Variants in BLTP3A observed in about 807,000 individuals in gnomAD.
BLTP3A encodes ICBP90 binding protein 1.
the BLTP3A span, among the ~76,000 whole-genome samples, chr6:34,832,478 C>G: frequency 6.6e-6 from 1 of 151,604 alleles, no homozygotes; most frequent in Admixed American, 6.6e-5. Flanking sequence ...CTCTGTCACC[C>G]TGGCTTGAGT....
the BLTP3A span, among the ~76,000 whole-genome samples, chr6:34,826,614 T>C: frequency 6.6e-6 from 1 of 152,214 alleles, no homozygotes; most frequent in Admixed American, 6.5e-5. Context: ...CGACTTGGCC[T>C]CTCAAAGTGT....
the BLTP3A span, chr6:34,857,552 ATTTG>A: frequency 6.5e-7 from 1 of 1,548,566 alleles, no homozygotes; most frequent in Non-Finnish European, 8.7e-7. Flanking sequence ...GTATATTTTT[ATTTG>A]TTGTTAGGAG....
the BLTP3A span, chr6:34,858,118 G>A: frequency 4.3e-6 from 7 of 1,609,270 alleles, no homozygotes; most frequent in Non-Finnish European, 3.4e-6. Context: ...CATTTTCTCT[G>A]TGAAGGTGAG....
At chr6:34,863,995 T>A in the BLTP3A span, 17 of 1,570,842 alleles carry the variant, frequency 1.1e-5, no homozygotes, top group South Asian at 2.4e-5. Context: ...TTTTTTTTTT[T>A]AAACAGGGAG....
At chr6:34,806,737 C>T in the BLTP3A span, among the ~76,000 whole-genome samples, 1 of 152,200 alleles carries the variant, frequency 6.6e-6, no homozygotes, top group Admixed American at 6.5e-5. Flanking sequence ...TCTTAGCTCA[C>T]TGCAACCTCC....
At chr6:34,821,571 T>C in the BLTP3A span, 1 of 1,341,986 alleles carries the variant, frequency 7.5e-7, no homozygotes, top group East Asian at 2.4e-5. Context: ...TTCTTTTCTC[T>C]AGATTCAGAA....
the BLTP3A span, among the ~76,000 whole-genome samples, chr6:34,852,533 CCCTCTCCTCT>C: frequency 0.011 from 1,407 of 129,270 alleles, 12 homozygotes; most frequent in African/African-American, 0.012. Context: ...CTGTATTCGC[CCCTCTCCTCT>C]CCTCTCCTCT....
chr6:34,821,106 G>A, the BLTP3A span, among the ~76,000 whole-genome samples: 10 of 152,108 alleles, frequency 6.6e-5, no homozygotes, highest in East Asian at 3.9e-4. Flanking sequence ...ACAGGCATGC[G>A]CCACCACACC....
At chr6:34,872,441 C>CCA in the BLTP3A span, 1 of 1,605,282 alleles carries the variant, frequency 6.2e-7, no homozygotes, top group Non-Finnish European at 8.5e-7. Flanking sequence ...AGCTCTGAAA[C>CCA]CAGTGGCTCA....
the BLTP3A span, among the ~76,000 whole-genome samples, chr6:34,846,530 A>C: frequency 3.3e-5 from 5 of 152,288 alleles, no homozygotes; most frequent in African/African-American, 7.2e-5. Flanking sequence ...TAGGAATTGT[A>C]AATGGGGTTA....
the BLTP3A span, among the ~76,000 whole-genome samples, chr6:34,792,495 C>T: frequency 1.3e-5 from 2 of 152,188 alleles, no homozygotes; most frequent in African/African-American, 4.8e-5. Flanking sequence ...CTCTGTGCTT[C>T]CCCCGCGCTG....
the BLTP3A span, among the ~76,000 whole-genome samples, chr6:34,824,046 GGT>G: frequency 6.6e-6 from 1 of 150,860 alleles, no homozygotes; most frequent in East Asian, 2.0e-4. Context: ...AGGCTCAAGT[GGT>G]TCCCCACCTC....
the BLTP3A span, among the ~76,000 whole-genome samples, chr6:34,862,172 A>T: frequency 4.0e-5 from 6 of 151,782 alleles, no homozygotes; most frequent in Admixed American, 3.3e-4. Flanking sequence ...AGGCCAGGAG[A>T]TGAGACCATC....
chr6:34,856,416 T>C, the BLTP3A span: 3 of 1,613,172 alleles, frequency 1.9e-6, no homozygotes, highest in Non-Finnish European at 2.5e-6. Flanking sequence ...GCAGGTGGGT[T>C]ATGAGGAACT....
At chr6:34,792,397 C>G in the BLTP3A span, 1 of 1,181,918 alleles carries the variant, frequency 8.5e-7, no homozygotes. Context: ...CTCTCTCCAG[C>G]CCGGAGCCCG....
chr6:34,824,512 C>A, the BLTP3A span, among the ~76,000 whole-genome samples: 9 of 146,018 alleles, frequency 6.2e-5, no homozygotes, highest in Non-Finnish European at 1.2e-4. Flanking sequence ...GAGCCGAGAT[C>A]GCGCCATTGC....
At chr6:34,864,181 T>G in the BLTP3A span, 1 of 1,613,948 alleles carries the variant, frequency 6.2e-7, no homozygotes. Flanking sequence ...GATAGCTTTG[T>G]GATGCTCTTG....
chr6:34,834,302 C>T, the BLTP3A span: 3 of 1,614,088 alleles, frequency 1.9e-6, no homozygotes, highest in East Asian at 6.7e-5. Context: ...CAAGGCCTTC[C>T]ACGCTTCTTT....
the BLTP3A span, among the ~76,000 whole-genome samples, chr6:34,813,138 A>G: frequency 6.6e-6 from 1 of 152,182 alleles, no homozygotes; most frequent in Non-Finnish European, 1.5e-5. Flanking sequence ...GACTGTTGCA[A>G]CTTATTGACC....
Sources: gnomAD v4.1 joint callset for allele counts (sites outside exome capture counted in the v4.1 genomes callset) on GRCh38, gnomAD v4.1.1 for gene constraint, MANE v1.5 for transcripts, NCBI Gene and HGNC (gene_info 2026-07-23, HGNC 2026-07-21) for gene names.